C4BPA: variants seen among roughly 807,000 people sequenced by gnomAD.
C4BPA encodes the protein complement component 4 binding protein alpha.
C4BPA carries 31 observed loss-of-function variants against 63.7 expected under a neutral mutation model. That is an observed-to-expected ratio of 0.49 (90% confidence interval 0.37 to 0.66). C4BPA has a LOEUF of 0.66. Ranked by LOEUF, C4BPA falls within the 30% of genes least tolerant of loss-of-function variation. The pLI is 0.00. For missense variants in C4BPA, 572 were observed against 723.3 expected (o/e 0.79, Z 2.40); for synonymous variants, 259 against 254.7 (o/e 1.02, Z -0.16).
chr1:207,109,554 A>C (rs1684625148), intron 1 of C4BPA, among the ~76,000 whole-genome samples: 1 of 152,220 alleles, frequency 6.6e-6, no homozygotes, highest in South Asian at 2.1e-4. Flanking sequence ...CCAGGACGCC[A>C]ACTCACATGT....
In C4BPA at chr1:207,140,915, C is replaced by G. The variant is rs559453679; in HGVS notation, c.1274-191C>G. 1.8e-4 allele frequency among the ~76,000 whole-genome samples: 27 copies of G among 152,260 alleles called. No individual in the cohort carries two copies. In the South Asian group the frequency reaches 4.3e-3, roughly 25 times the overall value. ...AAAACCTAAGGGCTATATCTCGAGC[C>G]TTTCTATGGTTGCCCAGCTTGAGGC... is the stretch of plus-strand genomic sequence containing the variant. On this transcript the variant is annotated intron_variant, in intron 9 of 11. Coordinates refer to ENST00000367070, the MANE Select transcript of C4BPA (RefSeq NM_000715.4).
At chr1:207,127,237 T>G (rs571257946) in intron 7 of C4BPA, 1 of 161,940 alleles carries the variant, frequency 6.2e-6, no homozygotes, top group Non-Finnish European at 1.3e-5. Flanking sequence ...AAAATCATTA[T>G]ATTATTATAA....
intron 4 of C4BPA, among the ~76,000 whole-genome samples, chr1:207,116,140 G>A (rs1309071288): frequency 6.6e-6 from 1 of 152,184 alleles, no homozygotes; most frequent in Non-Finnish European, 1.5e-5. Flanking sequence ...GTTTTGCAGA[G>A]TATGTAAATG....
chr1:207,126,982 C>A, intron 7 of C4BPA, 87 bp downstream of exon 7: 2 of 885,872 alleles, frequency 2.3e-6, no homozygotes, highest in South Asian at 1.9e-5. Context: ...ATGCATAGGC[C>A]TACTATGAAT....
Position 207,109,551 on chromosome 1 carries a change from G to A in C4BPA, c.-25-3450G>A, listed in dbSNP as rs567854556. On this transcript the variant is annotated intron_variant, in intron 1 of 11. Transcript: ENST00000367070. ...GGTTCCCATGTGGTAGAGCCAGGAC[G>A]CCAACTCACATGTTCTGGGTGTGAC... 3.9e-5 allele frequency among the ~76,000 whole-genome samples: 6 copies of A among 152,278 alleles called. No homozygotes were observed. The East Asian group carries it at 9.6e-4, about 24-fold the overall frequency.
intron 10 of C4BPA, among the ~76,000 whole-genome samples, chr1:207,143,293 C>T (rs1685460417): frequency 6.7e-6 from 1 of 148,818 alleles, no homozygotes; most frequent in Admixed American, 6.8e-5. Flanking sequence ...AATGAGAACA[C>T]ATGGACACAG....
chr1:207,133,446 T>C (rs758942130), intron 8 of C4BPA, among the ~76,000 whole-genome samples: 4 of 152,218 alleles, frequency 2.6e-5, no homozygotes, highest in Admixed American at 6.5e-5. Context: ...TATGTCCCTA[T>C]AGCAGCTCTT....
chr1:207,112,970 G>T (rs1684700320), intron 1 of C4BPA, 31 bp from the exon 2 acceptor site: 1 of 1,523,370 alleles, frequency 6.6e-7, no homozygotes, highest in Non-Finnish European at 8.8e-7. Flanking sequence ...GGAATTCAAT[G>T]ACTATTTATT....
At chr1:207,121,554 T>C (rs1440742889) in intron 4 of C4BPA, among the ~76,000 whole-genome samples, 4 of 152,118 alleles carry the variant, frequency 2.6e-5, no homozygotes, top group Admixed American at 6.5e-5. Context: ...TTTTCTCCAA[T>C]TAAAAGCTGT....
At chr1:207,121,946 G>T (rs1449262373) in intron 4 of C4BPA, among the ~76,000 whole-genome samples, 1 of 151,966 alleles carries the variant, frequency 6.6e-6, no homozygotes, top group Admixed American at 6.6e-5. Flanking sequence ...GTCTATGGTT[G>T]CTTTCATTCT....
intron 1 of C4BPA, among the ~76,000 whole-genome samples, chr1:207,107,076 G>A (rs1355085726): frequency 6.6e-6 from 1 of 152,162 alleles, no homozygotes; most frequent in Non-Finnish European, 1.5e-5. Context: ...TAAGGTATTA[G>A]CCAAGTACTA....
rs775226640 is a variant in C4BPA at position 207,131,571 on chromosome 1, T to C, written c.915T>C (p.Ile305=). 5 of 1,611,492 alleles carry C rather than the reference T, an allele frequency of 3.1e-6. No homozygotes were observed. Among genetic ancestry groups the C allele is most frequent in the Non-Finnish European group, 4.2e-6 (5 of 1,178,164 alleles). ...ATAGTTGTATTAATTTACCAGACAT[T>C]CCACATGCTTCCTGGGAAACATATC... is the stretch of plus-strand genomic sequence containing the variant. ...EPNSCINLPD[I]PHASWETYPR... is the part of the protein sequence containing the mutation. The change falls in exon 8 of 12, where the codon ATT becomes ATC. Residue 305 remains isoleucine, a synonymous_variant. Transcript: ENST00000367070.
chr1:207,137,291 A>T (rs75429723), intron 9 of C4BPA, among the ~76,000 whole-genome samples: 1 of 152,204 alleles, frequency 6.6e-6, no homozygotes, highest in Non-Finnish European at 1.5e-5. Flanking sequence ...GGTCTCAATC[A>T]ATTTAGAAAA....
chr1:207,112,211 T>G (rs1684681761), intron 1 of C4BPA, among the ~76,000 whole-genome samples: 1 of 152,130 alleles, frequency 6.6e-6, no homozygotes, highest in Non-Finnish European at 1.5e-5. Context: ...TGTGTGTGTG[T>G]GTGTTTATGA....
intron 8 of C4BPA, among the ~76,000 whole-genome samples, chr1:207,132,895 C>T (rs1685192117): frequency 6.6e-6 from 1 of 152,020 alleles, no homozygotes; most frequent in Non-Finnish European, 1.5e-5. Flanking sequence ...TGTGGTGGCA[C>T]ACGTCTGTAA....
chr1:207,114,285 TGTAA>T lies in C4BPA; in HGVS notation c.328+4_328+7del, dbSNP rs1441666978. On this transcript the variant is annotated splice_donor_variant and splice_donor_region_variant and intron_variant, in intron 3 of 11. Transcript: ENST00000367070. LOFTEE classifies it high-confidence loss of function. ...ATGGGTGTATAACACCTTCTGTATC[TGTAA>T]GTATCAACATTTATTTTTTTCCTTT... The T allele has an allele frequency of 6.3e-7, 1 of 1,597,560 alleles. No homozygotes were observed. The highest frequency in any genetic ancestry group is 8.5e-7 in the Non-Finnish European group (1 of 1,172,100).
chr1:207,113,448 C>G (rs1416055443), intron 2 of C4BPA, among the ~76,000 whole-genome samples: 1 of 152,088 alleles, frequency 6.6e-6, no homozygotes, highest in Non-Finnish European at 1.5e-5. Flanking sequence ...TTATCTATTA[C>G]TATGACTAAA....
At chr1:207,142,751 C>T (rs1325081915) in intron 10 of C4BPA, among the ~76,000 whole-genome samples, 1 of 152,134 alleles carries the variant, frequency 6.6e-6, no homozygotes, top group Non-Finnish European at 1.5e-5. Context: ...AATCTTGCAG[C>T]AATCAAAACT....
chr1:207,107,614 T>C (rs558629196), intron 1 of C4BPA, among the ~76,000 whole-genome samples: 5 of 152,230 alleles, frequency 3.3e-5, no homozygotes, highest in African/African-American at 1.2e-4. Flanking sequence ...AAGCATGGTG[T>C]TCTAAGTGAG....
Sources: gnomAD v4.1 joint callset for allele counts (sites outside exome capture counted in the v4.1 genomes callset) on GRCh38, gnomAD v4.1.1 for gene constraint, MANE v1.5 for transcripts, NCBI Gene and HGNC (gene_info 2026-07-23, HGNC 2026-07-21) for gene names.